The following ADGRB3 variants were observed in gnomAD, a reference collection of about 807,000 sequenced individuals.
ADGRB3 encodes adhesion G protein-coupled receptor B3.
A neutral mutation model predicts 193.4 loss-of-function variants in ADGRB3; 37 were observed. That is an observed-to-expected ratio of 0.19 (90% CI 0.15 to 0.25). The LOEUF is 0.25. ADGRB3 is among the 10% of genes least tolerant of loss of function. ADGRB3 has a pLI of 1.00. For missense variants in ADGRB3, 1,637 were observed against 1,852.9 expected, an observed-to-expected ratio of 0.88 and a Z score of 2.14; for synonymous variants, 690 against 644.2, an observed-to-expected ratio of 1.07 and a Z score of -1.08.
chr6:69,351,679 T>C (rs979652981), intron 26 of ADGRB3, among the ~76,000 whole-genome samples: 3 of 152,304 alleles, frequency 2.0e-5, no homozygotes, highest in African/African-American at 7.2e-5. Context: ...ATTTGGGAGT[T>C]TGGTAGTGAA....
At chr6:68,779,046 G>T (rs1766803703) in intron 3 of ADGRB3, among the ~76,000 whole-genome samples, 1 of 151,938 alleles carries the variant, frequency 6.6e-6, no homozygotes. Flanking sequence ...CTCAGCTAAA[G>T]AAGAGATCAC....
chr6:69,094,785 G>A (rs1772822975), intron 17 of ADGRB3, among the ~76,000 whole-genome samples: 1 of 151,978 alleles, frequency 6.6e-6, no homozygotes, highest in Non-Finnish European at 1.5e-5. Flanking sequence ...GCCATTTTTG[G>A]ATGCCTTCCC....
At chr6:69,005,144 G>GA (rs1335969414) in intron 11 of ADGRB3, among the ~76,000 whole-genome samples, 5 of 151,956 alleles carry the variant, frequency 3.3e-5, no homozygotes, top group African/African-American at 7.3e-5. Flanking sequence ...TGTCTCTGGG[G>GA]AAAAAATCAT....
At chr6:69,131,344 T>C (rs1561928767) in intron 17 of ADGRB3, among the ~76,000 whole-genome samples, 1 of 152,088 alleles carries the variant, frequency 6.6e-6, no homozygotes, top group Non-Finnish European at 1.5e-5. Context: ...GTCCATGGTA[T>C]GTAATTTCAA....
chr6:69,011,129 A>G (rs1769920505), intron 11 of ADGRB3, among the ~76,000 whole-genome samples: 2 of 103,676 alleles, frequency 1.9e-5, no homozygotes, highest in Non-Finnish European at 3.9e-5. Flanking sequence ...GTATATATAC[A>G]TATATATGTG....
intron 3 of ADGRB3, among the ~76,000 whole-genome samples, chr6:68,648,042 C>T (rs1458953260): frequency 6.6e-6 from 1 of 152,100 alleles, no homozygotes; most frequent in Non-Finnish European, 1.5e-5. Context: ...CTATGAAATG[C>T]CACAGGCTCT....
intron 3 of ADGRB3, among the ~76,000 whole-genome samples, chr6:68,901,964 T>A (rs538970105): frequency 3.9e-5 from 6 of 152,186 alleles, no homozygotes; most frequent in Admixed American, 2.6e-4. Context: ...TTAATTTATA[T>A]TTTTTAGCTG....
intron 29 of ADGRB3, 37 bp from the exon 30 acceptor site, chr6:69,372,369 T>C (rs1241759979): frequency 8.3e-7 from 1 of 1,201,814 alleles, no homozygotes; most frequent in Admixed American, 2.6e-5. Flanking sequence ...ATAACTTTAT[T>C]GGTTTTTCTC....
intron 20 of ADGRB3, among the ~76,000 whole-genome samples, chr6:69,320,521 T>A (rs1236712511): frequency 6.6e-6 from 1 of 151,538 alleles, no homozygotes; most frequent in Non-Finnish European, 1.5e-5. Flanking sequence ...TCAAAGAGGA[T>A]CTTGAGGTAA....
chr6:69,043,149 T>A (rs570085167), intron 13 of ADGRB3, among the ~76,000 whole-genome samples: 1 of 152,110 alleles, frequency 6.6e-6, no homozygotes, highest in African/African-American at 2.4e-5. Context: ...TTAACCTGGC[T>A]GATCTTGTGT....
At chr6:68,967,886 A>T (rs1768430551) in intron 8 of ADGRB3, among the ~76,000 whole-genome samples, 1 of 151,926 alleles carries the variant, frequency 6.6e-6, no homozygotes, top group African/African-American at 2.4e-5. Context: ...TCATGCAGAC[A>T]TGTTTGAGGG....
intron 17 of ADGRB3, among the ~76,000 whole-genome samples, chr6:69,174,958 A>G (rs1775382243): frequency 6.6e-6 from 1 of 151,916 alleles, no homozygotes; most frequent in Non-Finnish European, 1.5e-5. Context: ...TAAAGGACTT[A>G]TTTGCTTTTT....
Position 69,389,247 on chromosome 6 carries a change from A to G in ADGRB3, c.*356A>G, listed in dbSNP as rs1379952547. The G allele has an allele frequency of 2.5e-5, 4 of 161,312 alleles. No individual in the cohort carries two copies. Among genetic ancestry groups the G allele is most frequent in the Admixed American group, 6.2e-5 (1 of 16,246 alleles). 10.0% of individuals were successfully genotyped at this position (161,312 alleles called of 1,614,324 possible). On this transcript the variant is annotated 3_prime_UTR_variant, in exon 32 of 32. Transcript: ENST00000370598. ...TATATTTATGCAGTTTTTAAAGTTT[A>G]TAACAGTCTGTTTGGCCATTACTAC...
chr6:68,789,857 T>C lies in ADGRB3; in HGVS notation c.758-140702T>C, dbSNP rs58996227. 1.9e-3 allele frequency among the ~76,000 whole-genome samples: 283 copies of C among 152,330 alleles called. 3 individuals carry two copies. Among genetic ancestry groups the C allele is most frequent in the African/African-American group, 6.6e-3 (273 of 41,574 alleles). On this transcript the variant is annotated intron_variant, in intron 3 of 31. Coordinates refer to ENST00000370598, the MANE Select transcript of ADGRB3 (RefSeq NM_001704.3). Reference sequence around the variant, plus strand: ...CTTGGAGGCTTTGTTCATTTCTTTTTATTCTTGTTTCTCTAAACTTCTCTT... The same window carrying C: ...CTTGGAGGCTTTGTTCATTTCTTTTCATTCTTGTTTCTCTAAACTTCTCTT...
At chr6:68,956,503 C>T in intron 7 of ADGRB3, 142 bp from the exon 8 acceptor site, 1 of 1,133,344 alleles carries the variant, frequency 8.8e-7, no homozygotes, top group Non-Finnish European at 1.3e-6. Flanking sequence ...TATATTTGAC[C>T]TGTAAGTTAA....
intron 17 of ADGRB3, among the ~76,000 whole-genome samples, chr6:69,163,053 G>C (rs74490739): frequency 0.015 from 2,212 of 152,168 alleles, 23 homozygotes; most frequent in Middle Eastern, 0.048. Flanking sequence ...ATTTGTCTGA[G>C]TCAATTCACT....
In ADGRB3 at chr6:69,317,985, T is replaced by G. The variant is rs192472493; in HGVS notation, c.2815-6887T>G. Among the ~76,000 whole-genome samples, 151 of 151,650 alleles carry G rather than the reference T, an allele frequency of 1.0e-3. 2 individuals are homozygous for G. In the East Asian group the frequency reaches 0.023, roughly 23 times the overall value. ...ACTAGCCCGTTGATTCTTTTTACTA[T>G]TTCTAATAGTTTAAAAATTGATTAT... On this transcript the variant is annotated intron_variant, in intron 20 of 31. Transcript: ENST00000370598.
intron 3 of ADGRB3, among the ~76,000 whole-genome samples, chr6:68,778,831 T>C (rs1377709676): frequency 6.6e-6 from 1 of 152,094 alleles, no homozygotes; most frequent in Non-Finnish European, 1.5e-5. Context: ...AAGGCACTTC[T>C]GGTTTGGACT....
At chr6:68,958,194 C>A (rs1582348469) in intron 8 of ADGRB3, among the ~76,000 whole-genome samples, 1 of 151,678 alleles carries the variant, frequency 6.6e-6, no homozygotes, top group East Asian at 1.9e-4. Context: ...GAGCAAGACT[C>A]TGTCTCGAAA....
Sources: gnomAD v4.1 joint callset for allele counts (sites outside exome capture counted in the v4.1 genomes callset) on GRCh38, gnomAD v4.1.1 for gene constraint, MANE v1.5 for transcripts, NCBI Gene and HGNC (gene_info 2026-07-23, HGNC 2026-07-21) for gene names.